The following LPA variants were observed in gnomAD, a reference collection of about 807,000 sequenced individuals.
LPA encodes lipoprotein(a).
In LPA, 199 loss-of-function variants were observed where a neutral mutation model predicts 197.9. The ratio of observed to expected loss-of-function variants is 1.01; its 90% CI spans 0.90 to 1.13. LPA has a LOEUF of 1.13. Among genes scored for constraint, LPA ranks in the 50% most tolerant of loss-of-function variants. The probability of loss-of-function intolerance (pLI) is 0.00; values close to 1 mark genes in which losing one functional copy is unlikely to be tolerated. For missense variants in LPA, 1,853 were observed against 1,785.8 expected, an observed-to-expected ratio of 1.04 and a Z score of -0.68; for synonymous variants, 715 against 639.5, an observed-to-expected ratio of 1.12 and a Z score of -1.78.
intron 37 of LPA, among the ~76,000 whole-genome samples, chr6:160,536,747 G>T (rs1367217242): frequency 6.6e-6 from 1 of 152,166 alleles, no homozygotes; most frequent in Admixed American, 6.5e-5. Context: ...CCTGGCCTCA[G>T]TGCTCCCAGA....
intron 30 of LPA, 135 bp downstream of exon 30, chr6:160,555,890 A>G: frequency 1.0e-6 from 1 of 974,882 alleles, no homozygotes; most frequent in South Asian, 1.3e-5. Flanking sequence ...ATCAAAAGCA[A>G]AGTTGTCTGG....
chr6:160,540,343 A>T (rs1158534754), intron 35 of LPA, among the ~76,000 whole-genome samples, 160 bp from the exon 36 acceptor site: 1 of 152,176 alleles, frequency 6.6e-6, no homozygotes, highest in Non-Finnish European at 1.5e-5. Flanking sequence ...GGAAACTGAC[A>T]GTTAAGGTCT....
At position 160,565,409 on chromosome 6, in the gene LPA, C is replaced by G. The variant is rs541128046; in HGVS notation, c.4632-7838G>C. On this transcript the variant is annotated intron_variant, in intron 28 of 38. Coordinates refer to ENST00000316300, the MANE Select transcript of LPA (RefSeq NM_005577.4). ...CCTCCACTGGTAATACCCAGGCAAA[C>G]AGGGACTGGAGTGGACCTCCAGCAA... is the stretch of plus-strand genomic sequence containing the variant. Among the ~76,000 whole-genome samples the G allele has an allele frequency of 3.3e-5, 5 of 152,314 alleles. No homozygotes were observed. The South Asian group carries it at 1.0e-3, about 32-fold the overall frequency.
chr6:160,586,494 G>A lies in LPA; in HGVS notation c.4084C>T (p.Pro1362Ser), dbSNP rs1252615164. 6.2e-7 allele frequency: 1 copy of A among 1,613,786 alleles called. No homozygotes were observed. ...PVMESTLLTTPTVVPVPSTEL... is the reference protein window; with the variant it reads ...PVMESTLLTTSTVVPVPSTEL... ...GTGCTTGGAACTGGGACCACCGTGG[G>A]AGTTGTGAGGAGAGTTGATTCCATC... Residue 1362 changes from proline (P) to serine (S), a missense_variant, in exon 25 of 39, where the codon CCC (proline) becomes TCC (serine). Physicochemically the swap from Pro to Ser is moderately conservative, Grantham distance 74. This residue lies in a region of LPA where 1,737 missense variants were observed against 1,504.4 expected (regional missense o/e 1.15). Coordinates refer to ENST00000316300, the MANE Select transcript of LPA (RefSeq NM_005577.4).
intron 16 of LPA, among the ~76,000 whole-genome samples, chr6:160,609,428 GCTC>G (rs1779432759): frequency 6.6e-6 from 1 of 152,050 alleles, no homozygotes; most frequent in African/African-American, 2.4e-5. Flanking sequence ...GGAAGACACA[GCTC>G]TTTTTTCTCC....
Position 160,601,000 on chromosome 6 carries a change from G to T in LPA, c.3044C>A (p.Thr1015Lys), listed in dbSNP as rs1027477900. 4 of 1,614,068 alleles carry T rather than the reference G, an allele frequency of 2.5e-6. No individual in the cohort carries two copies. The highest frequency in any genetic ancestry group is 1.7e-5 in the Admixed American group (1 of 60,022). ...AGTCCATTCTGCATCTGAGCATCGT[G>T]TCAGGTTGCAGTACTCCCACCTGAC... is the stretch of plus-strand genomic sequence containing the variant. Reference protein sequence around the residue: ...PSVRWEYCNLTRCSDAEWTAF... With the variant: ...PSVRWEYCNLKRCSDAEWTAF... Residue 1015 changes from threonine to lysine, a missense_variant, in exon 19 of 39, where the codon ACA becomes AAA. This residue lies in a region of LPA where 1,737 missense variants were observed against 1,504.4 expected (regional missense o/e 1.15). Transcript: ENST00000316300.
intron 19 of LPA, among the ~76,000 whole-genome samples, 154 bp downstream of exon 19, chr6:160,600,763 C>T (rs1459240071): frequency 1.3e-5 from 2 of 152,108 alleles, no homozygotes; most frequent in Non-Finnish European, 2.9e-5. Context: ...CCTCTGGCTC[C>T]CCCAGAGAGT....
chr6:160,550,036 C>T (rs1778143158), intron 30 of LPA, among the ~76,000 whole-genome samples: 1 of 152,198 alleles, frequency 6.6e-6, no homozygotes, highest in East Asian at 1.9e-4. Context: ...TCTTGGCCAA[C>T]ATGGCAAAAC....
intron 28 of LPA, among the ~76,000 whole-genome samples, chr6:160,572,555 T>C (rs2115025826): frequency 6.6e-6 from 1 of 152,344 alleles, no homozygotes; most frequent in African/African-American, 2.4e-5. Flanking sequence ...TAGGATTTGT[T>C]TCAAGATTTA....
At chr6:160,661,941 A>T (rs1780234070) in intron 1 of LPA, among the ~76,000 whole-genome samples, 1 of 152,182 alleles carries the variant, frequency 6.6e-6, no homozygotes, top group East Asian at 1.9e-4. Context: ...GCTACAATTG[A>T]TATTCAAAAA....
intron 28 of LPA, among the ~76,000 whole-genome samples, chr6:160,576,332 GTGTGTGTGTATATATATA>G (rs1562327762): frequency 5.0e-5 from 4 of 79,230 alleles, no homozygotes; most frequent in Admixed American, 3.8e-4. Context: ...GTGTGTGTGT[GTGTGTGTGTATATATATA>G]TATATATATA....
intron 28 of LPA, among the ~76,000 whole-genome samples, chr6:160,563,374 G>A (rs1053394206): frequency 3.9e-5 from 6 of 152,166 alleles, no homozygotes; most frequent in African/African-American, 1.4e-4. Context: ...TAGTTGTGTG[G>A]TTTTGAGTGA....
chr6:160,576,359 T>TACAC (rs1562327874), intron 28 of LPA, among the ~76,000 whole-genome samples: 4 of 30,834 alleles, frequency 1.3e-4, no homozygotes, highest in African/African-American at 3.4e-4. Flanking sequence ...TATATATATA[T>TACAC]ATATATACAT....
intron 1 of LPA, among the ~76,000 whole-genome samples, chr6:160,652,533 A>G (rs895671353): frequency 8.5e-5 from 13 of 152,188 alleles, no homozygotes; most frequent in Non-Finnish European, 1.6e-4. Context: ...CCCGTGCTAT[A>G]AGAAATGCTA....
chr6:160,576,364 A>ATGTG (rs1554234342), intron 28 of LPA, among the ~76,000 whole-genome samples: 2 of 21,156 alleles, frequency 9.5e-5, no homozygotes, highest in East Asian at 0.011. Flanking sequence ...ATATATATAT[A>ATGTG]TACATATATA....
At chr6:160,662,570 G>T (rs1780244804) in intron 1 of LPA, among the ~76,000 whole-genome samples, 1 of 152,070 alleles carries the variant, frequency 6.6e-6, no homozygotes, top group African/African-American at 2.4e-5. Flanking sequence ...TCTAGCCTTT[G>T]GGTGTAGCCT....
chr6:160,610,948 C>G (rs1406069311), intron 16 of LPA, among the ~76,000 whole-genome samples: 1 of 152,068 alleles, frequency 6.6e-6, no homozygotes, highest in African/African-American at 2.4e-5. Context: ...GTGGTCAGAC[C>G]AGGGCTTCTA....
intron 7 of LPA, among the ~76,000 whole-genome samples, chr6:160,634,439 G>A (rs1329634441): frequency 1.6e-5 from 2 of 123,692 alleles, no homozygotes; most frequent in Admixed American, 7.8e-5. Context: ...ATGTGTGCAC[G>A]CCAAAACCTT....
chr6:160,578,501 T>C (rs1373790876), intron 27 of LPA, 22 bp downstream of exon 27: 3 of 1,613,466 alleles, frequency 1.9e-6, no homozygotes, highest in African/African-American at 1.3e-5. Context: ...AGTATATAGA[T>C]GTCTAACCAC....
Sources: allele counts gnomAD v4.1 joint callset (sites outside exome capture counted in the v4.1 genomes callset), GRCh38; gene constraint gnomAD v4.1.1; regional missense constraint gnomAD v4.1.1; transcripts MANE v1.5; gene names NCBI Gene and HGNC (gene_info 2026-07-23, HGNC 2026-07-21).